The following TMEM38B variants were observed in gnomAD, a reference collection of about 807,000 sequenced individuals.
TMEM38B encodes trimeric intracellular cation channel type B.
In TMEM38B, 24 loss-of-function variants were observed where a neutral mutation model predicts 28.7. That is an observed-to-expected ratio of 0.84 (90% confidence interval 0.61 to 1.18). TMEM38B has a LOEUF of 1.18. TMEM38B is among the 50% of genes most tolerant of loss of function. TMEM38B has a pLI of 0.00. For synonymous variants in TMEM38B, 131 were observed against 127.7 expected (o/e 1.03, Z -0.17); for missense variants, 380 against 350.9 (o/e 1.08, Z -0.66).
At chr9:105,733,421 C>CTTTTTTTTTTT (rs71306454) in intron 4 of TMEM38B, among the ~76,000 whole-genome samples, 11 of 127,862 alleles carry the variant, frequency 8.6e-5, no homozygotes, top group East Asian at 6.7e-4. Flanking sequence ...TTTCTTTTTT[C>CTTTTTTTTTTT]TTTTTTTTTT....
Position 105,702,002 on chromosome 9 carries a change from GCCAGAAGTTTGAGA to G in TMEM38B, c.113-3590_113-3577del, listed in dbSNP as rs1835477425. 3.3e-5 allele frequency among the ~76,000 whole-genome samples: 5 copies of G among 152,138 alleles called. No homozygotes were observed. The South Asian group carries it at 1.0e-3, about 32-fold the overall frequency. ...GGCTGAGGCAGGAGGATCACTTGAGGCCAGAAGTTTGAGACCAGCCTGGCCAACATAGTGAGACC... is the reference window on the plus strand; with the variant it reads ...GGCTGAGGCAGGAGGATCACTTGAGGCCAGCCTGGCCAACATAGTGAGACC... On this transcript the variant is annotated intron_variant, in intron 1 of 5. Coordinates refer to ENST00000374692, the MANE Select transcript of TMEM38B (RefSeq NM_018112.3).
rs1826705408 is a variant in TMEM38B at position 105,775,720 on chromosome 9, T to G, written c.*1640T>G. On this transcript the variant is annotated 3_prime_UTR_variant, in exon 6 of 6. Coordinates refer to ENST00000374692, the MANE Select transcript of TMEM38B (RefSeq NM_018112.3). The stretch of plus-strand genomic sequence containing the variant: ...TAATACATTGTTAATTATTGACCAG[T>G]TTTGAAGTTTGGGTTTAACTGTAGT... 2 of 152,100 alleles carry G rather than the reference T, an allele frequency of 1.3e-5. No individual in the cohort carries two copies. The highest frequency in any genetic ancestry group is 1.3e-4 in the Admixed American group (2 of 15,250). 9.4% of individuals were successfully genotyped at this position (152,100 alleles called of 1,614,324 possible). A position where few individuals can be genotyped will look rare whatever the true frequency, so the allele number is the denominator to read the frequency against.
intron 5 of TMEM38B, among the ~76,000 whole-genome samples, chr9:105,755,901 C>T (rs1323817421): frequency 6.6e-6 from 1 of 152,116 alleles, no homozygotes; most frequent in Non-Finnish European, 1.5e-5. Flanking sequence ...TGCAACCTTG[C>T]TGAACTCATT....
chr9:105,737,606 A>G (rs932279530), intron 4 of TMEM38B, among the ~76,000 whole-genome samples: 2 of 152,190 alleles, frequency 1.3e-5, no homozygotes, highest in Non-Finnish European at 2.9e-5. Flanking sequence ...GGACTAGTCC[A>G]GTTCTGTGGA....
In TMEM38B at chr9:105,694,593, C is replaced by T. The variant is rs934247119; in HGVS notation, c.-68C>T. ...GCGGCCGCGGCTGTGCCCTCTCCTA[C>T]TCCTCACCGCGCGAGCGCGGGGAAC... On this transcript the variant is annotated 5_prime_UTR_variant, in exon 1 of 6. Transcript: ENST00000374692. 6.7e-5 allele frequency: 91 copies of T among 1,360,422 alleles called. No individual in the cohort carries two copies. The highest frequency in any genetic ancestry group is 8.7e-5 in the Non-Finnish European group (83 of 955,258). 84.3% of individuals were successfully genotyped at this position (1,360,422 alleles called of 1,614,324 possible). A position where few individuals can be genotyped will look rare whatever the true frequency, so the allele number is the denominator to read the frequency against.
intron 2 of TMEM38B, among the ~76,000 whole-genome samples, chr9:105,717,375 A>G (rs1415366207): frequency 6.6e-6 from 1 of 152,114 alleles, no homozygotes; most frequent in Non-Finnish European, 1.5e-5. Flanking sequence ...TAAGCATATA[A>G]CAAGAGAAAA....
Position 105,708,697 on chromosome 9 carries a change from C to G in TMEM38B, c.269+2944C>G, listed in dbSNP as rs79075214. On this transcript the variant is annotated intron_variant, in intron 2 of 5. Coordinates refer to ENST00000374692, the MANE Select transcript of TMEM38B (RefSeq NM_018112.3). ...ACCTCAATGCCTTTGTACTTTCTTT[C>G]TTCTCTTTGTAATCTTTTTTTCCTC... Among the ~76,000 whole-genome samples the G allele has an allele frequency of 9.8e-3, 1,495 of 152,160 alleles. 55 individuals are homozygous for G. Among genetic ancestry groups the G allele is most frequent in the East Asian group, 0.083 (428 of 5,182 alleles).
chr9:105,752,963 G>A (rs935229360), intron 5 of TMEM38B, among the ~76,000 whole-genome samples: 2 of 152,196 alleles, frequency 1.3e-5, no homozygotes, highest in African/African-American at 4.8e-5. Context: ...AGCCAGTTTA[G>A]AGAGGAACAT....
In TMEM38B at chr9:105,705,643, T is replaced by C. The variant is rs764015924; in HGVS notation, c.159T>C (p.Thr53=). Reference sequence around the variant, plus strand: ...AGAATCCTATTTCAAGCTGGTTTACTGCTATGCTCCACTGTTTTGGTGGAG... The same window carrying C: ...AGAATCCTATTTCAAGCTGGTTTACCGCTATGCTCCACTGTTTTGGTGGAG... ...AWKNPISSWF[T]AMLHCFGGGI... is the part of the protein sequence containing the mutation. Residue 53 remains threonine, a synonymous_variant, in exon 2 of 6, where the codon ACT becomes ACC. Transcript: ENST00000374692. 9.9e-6 allele frequency: 16 copies of C among 1,614,002 alleles called. No homozygotes were observed. In the South Asian group the frequency reaches 1.4e-4, roughly 14 times the overall value.
chr9:105,741,937 A>G (rs1837223153), intron 4 of TMEM38B, among the ~76,000 whole-genome samples: 1 of 152,194 alleles, frequency 6.6e-6, no homozygotes, highest in Non-Finnish European at 1.5e-5. Context: ...TCCTGGATCC[A>G]TTCAATTGTT....
Position 105,721,687 on chromosome 9 carries a change from C to T in TMEM38B, c.420C>T (p.Gly140=). The change falls in exon 3 of 6, where the codon GGC becomes GGT. Residue 140 remains glycine, a synonymous_variant. Transcript: ENST00000374692. ...VTHANSYYKN[G]WIVMIAIGWA... Reference sequence around the variant, plus strand: ...ATGCTAATAGCTATTACAAAAATGGCTGGATAGTCATGATAGCTATTGGAT... The same window carrying T: ...ATGCTAATAGCTATTACAAAAATGGTTGGATAGTCATGATAGCTATTGGAT... 6.2e-7 allele frequency: 1 copy of T among 1,612,796 alleles called. No individual in the cohort carries two copies. Among genetic ancestry groups the T allele is most frequent in the Non-Finnish European group, 8.5e-7 (1 of 1,179,362 alleles).
chr9:105,760,936 A>G (rs1336272943), intron 5 of TMEM38B, among the ~76,000 whole-genome samples: 1 of 152,226 alleles, frequency 6.6e-6, no homozygotes, highest in Admixed American at 6.5e-5. Context: ...CTAGATCTCA[A>G]CTGAGAACAC....
At position 105,774,895 on chromosome 9, in the gene TMEM38B, C is replaced by T. The variant is rs543350263; in HGVS notation, c.*815C>T. 2 of 152,058 alleles carry T rather than the reference C, an allele frequency of 1.3e-5. No homozygotes were observed. Among genetic ancestry groups the T allele is most frequent in the East Asian group, 3.9e-4 (2 of 5,180 alleles). The allele number at this position is 152,058 out of a possible 1,614,324, so 9.4% of individuals were successfully genotyped here. A position where few individuals can be genotyped will look rare whatever the true frequency, so the allele number is the denominator to read the frequency against. On this transcript the variant is annotated 3_prime_UTR_variant, in exon 6 of 6. Coordinates refer to ENST00000374692, the MANE Select transcript of TMEM38B (RefSeq NM_018112.3). ...CTTATTTTTTTCTCTCTCATAAAAA[C>T]ACATTTGTTTTAATTGTAGGAGAAA... is the stretch of plus-strand genomic sequence containing the variant.
chr9:105,758,529 A>G, intron 5 of TMEM38B: 1 of 1,223,038 alleles, frequency 8.2e-7, no homozygotes, highest in Non-Finnish European at 1.2e-6. Context: ...TAAAGTTACA[A>G]GACAACAGAC....
rs764409345 is a variant in TMEM38B at position 105,721,721 on chromosome 9, G to A, written c.454G>A (p.Gly152Ser). ...CATGATAGCTATTGGATGGGCCCGA[G>A]GTAATATTGACAATATGTGTTCATA... ...IVMIAIGWARGAGGTIITNFE... is the reference protein window; with the variant it reads ...IVMIAIGWARSAGGTIITNFE... Residue 152 changes from glycine to serine, a missense_variant and splice_region_variant, in exon 3 of 6, where the codon GGT becomes AGT. Coordinates refer to ENST00000374692, the MANE Select transcript of TMEM38B (RefSeq NM_018112.3). 3 of 1,605,968 alleles carry A rather than the reference G, an allele frequency of 1.9e-6. No homozygotes were observed. In the Admixed American group the frequency reaches 5.1e-5, roughly 27 times the overall value.
intron 4 of TMEM38B, among the ~76,000 whole-genome samples, chr9:105,732,923 G>T (rs1290768603): frequency 1.3e-5 from 2 of 152,096 alleles, no homozygotes; most frequent in African/African-American, 4.8e-5. Flanking sequence ...TCACAATATT[G>T]ATTCTTCCTG....
chr9:105,712,105 G>T (rs1172299081), intron 2 of TMEM38B, among the ~76,000 whole-genome samples: 1 of 152,098 alleles, frequency 6.6e-6, no homozygotes, highest in African/African-American at 2.4e-5. Flanking sequence ...AGTGCAGCCG[G>T]GGTTTCACCA....
At chr9:105,761,419 C>T (rs377669763) in intron 5 of TMEM38B, among the ~76,000 whole-genome samples, 5 of 152,024 alleles carry the variant, frequency 3.3e-5, no homozygotes, top group East Asian at 1.9e-4. Context: ...AAGATGGGGA[C>T]GTAAAAGAAG....
At chr9:105,769,070 T>TA (rs1201172110) in intron 5 of TMEM38B, among the ~76,000 whole-genome samples, 2 of 152,284 alleles carry the variant, frequency 1.3e-5, no homozygotes, top group Admixed American at 6.5e-5. Context: ...ATAAAATACT[T>TA]ACAACATATA....
Sources: allele counts gnomAD v4.1 joint callset (sites outside exome capture counted in the v4.1 genomes callset), GRCh38; gene constraint gnomAD v4.1.1; transcripts MANE v1.5; gene names NCBI Gene and HGNC (gene_info 2026-07-23, HGNC 2026-07-21).